Variants in SFMBT1 observed in about 807,000 individuals in gnomAD.
SFMBT1 encodes scm-like with four MBT domains protein 1.
Under a neutral mutation model 108.7 loss-of-function variants are expected in SFMBT1, and 32 were observed. The ratio of observed to expected loss-of-function variants is 0.29; its 90% confidence interval spans 0.22 to 0.40. The LOEUF (loss-of-function observed/expected upper bound fraction) is 0.40. Among genes scored for constraint, SFMBT1 ranks in the 10% least tolerant of loss-of-function variants. The pLI is 1.00. For missense variants in SFMBT1, 816 were observed against 1,059.6 expected, an observed-to-expected ratio of 0.77 and a Z score of 3.19; for synonymous variants, 348 against 369.5, an observed-to-expected ratio of 0.94 and a Z score of 0.67.
intron 5 of SFMBT1, 83 bp downstream of exon 5, chr3:52,934,730 G>A: frequency 9.0e-7 from 1 of 1,107,982 alleles, no homozygotes; most frequent in Non-Finnish European, 1.3e-6. Flanking sequence ...TTTCTTCAGA[G>A]TGGTAAATAA....
rs143796489 is a variant in SFMBT1, at chr3:53,042,338, T to A, written c.-131+3478A>T. 2.1e-3 allele frequency among the ~76,000 whole-genome samples: 318 copies of A among 152,308 alleles called. 1 individual carries two copies. Among genetic ancestry groups the A allele is most frequent in the African/African-American group, 6.7e-3 (280 of 41,562 alleles). ...AAGATTATGGATAGGCAAATCATAC[T>A]GGGTTGGTTGGTTTGTTTTTTGAGA... On this transcript the variant is annotated intron_variant, in intron 1 of 20. Transcript: ENST00000394752.
rs1229064148 is a variant in SFMBT1 at position 53,045,804 on chromosome 3, C to T, written c.-131+12G>A. ...GCGCGGGAAGGCCCAGCCGGTGGCC[C>T]CGCTTTTTTACCTGCCCGGAGTTTT... On this transcript the variant is annotated intron_variant, in intron 1 of 20. Transcript: ENST00000394752. 1 of 150,554 alleles carries T rather than the reference C, an allele frequency of 6.6e-6. No homozygotes were observed. The highest frequency in any genetic ancestry group is 1.5e-5 in the Non-Finnish European group (1 of 67,538). 9.3% of individuals were successfully genotyped at this position (150,554 alleles called of 1,614,324 possible). A position where few individuals can be genotyped will look rare whatever the true frequency, so the allele number is the denominator to read the frequency against.
intron 3 of SFMBT1, among the ~76,000 whole-genome samples, chr3:52,945,019 G>T (rs1249488410): frequency 6.6e-6 from 1 of 151,248 alleles, no homozygotes; most frequent in Admixed American, 6.6e-5. Flanking sequence ...GCCCAGGCTG[G>T]TCTCAAATTC....
At chr3:52,966,991 C>T (rs11707576) in intron 2 of SFMBT1, among the ~76,000 whole-genome samples, 110,299 of 150,090 alleles carry the variant, frequency 0.73, 40,744 homozygotes, top group South Asian at 0.88. Flanking sequence ...AAGTAACCAC[C>T]AATAAGTGCT....
intron 3 of SFMBT1, among the ~76,000 whole-genome samples, chr3:52,945,140 A>AAAAAAAAAAAAAAC (rs1368281318): frequency 6.8e-6 from 1 of 146,172 alleles, no homozygotes; most frequent in South Asian, 2.2e-4. Flanking sequence ...TCCAATTAAA[A>AAAAAAAAAAAAAAC]AAAAAAAAAA....
intron 3 of SFMBT1, among the ~76,000 whole-genome samples, chr3:52,950,241 C>T (rs1703527425): frequency 6.6e-6 from 1 of 152,120 alleles, no homozygotes; most frequent in South Asian, 2.1e-4. Context: ...TTCCACTTTG[C>T]CTTCTTAGCA....
chr3:53,040,968 A>ATTTTTTTTTTTTTTTTTTTTT lies in SFMBT1; in HGVS notation c.-131+4827_-131+4847dup, dbSNP rs57640588. Among the ~76,000 whole-genome samples the ATTTTTTTTTTTTTTTTTTTTT allele has an allele frequency of 6.7e-4, 31 of 46,384 alleles. 4 individuals are homozygous for ATTTTTTTTTTTTTTTTTTTTT. The highest frequency in any genetic ancestry group is 1.3e-3 in the East Asian group (2 of 1,512). 30.4% of individuals were successfully genotyped at this position (46,384 alleles called of 152,430 possible). A position where few individuals can be genotyped will look rare whatever the true frequency, so the allele number is the denominator to read the frequency against. On this transcript the variant is annotated intron_variant, in intron 1 of 20. Coordinates refer to ENST00000394752, the MANE Select transcript of SFMBT1 (RefSeq NM_016329.4). ...TACAGGCATGCACCAAGACACCTGA[A>ATTTTTTTTTTTTTTTTTTTTT]TTTTTTTTTTTTTTTTTTTTTTTTT...
chr3:52,938,195 T>C (rs1458625131), intron 4 of SFMBT1, among the ~76,000 whole-genome samples: 1 of 152,198 alleles, frequency 6.6e-6, no homozygotes, highest in Non-Finnish European at 1.5e-5. Flanking sequence ...GTATGTCTCC[T>C]ATACAGAGGA....
chr3:53,042,560 C>A lies in SFMBT1; in HGVS notation c.-131+3256G>T, dbSNP rs1207526551. On this transcript the variant is annotated intron_variant, in intron 1 of 20. Transcript: ENST00000394752. ...CTCCCTTTTCTTTCATCCAGGCTGG[C>A]CTCGAACTCCTGGTCTCAAGCGATC... Among the ~76,000 whole-genome samples the A allele has an allele frequency of 3.9e-5, 6 of 152,158 alleles. No individual in the cohort carries two copies. In the East Asian group the frequency reaches 1.2e-3, roughly 29 times the overall value.
rs868585984 is a variant in SFMBT1 at position 52,948,698 on chromosome 3, C to A, written c.124-5105G>T. ...CGAGTCTCTCATTCTGCCGCCCAGGCTGATGTACAGCGGCACAATCTCGGG... is the reference window on the plus strand; with the variant it reads ...CGAGTCTCTCATTCTGCCGCCCAGGATGATGTACAGCGGCACAATCTCGGG... On this transcript the variant is annotated intron_variant, in intron 3 of 20. Transcript: ENST00000394752. Among the ~76,000 whole-genome samples, 4 of 151,128 alleles carry A rather than the reference C, an allele frequency of 2.6e-5. No individual in the cohort carries two copies. The South Asian group carries it at 8.4e-4, about 32-fold the overall frequency.
chr3:52,953,077 T>C (rs879608371), intron 3 of SFMBT1, among the ~76,000 whole-genome samples: 3 of 152,250 alleles, frequency 2.0e-5, no homozygotes, highest in African/African-American at 2.4e-5. Context: ...TATTTTGTTA[T>C]GGCAGCCCAA....
chr3:53,016,663 T>G (rs1699136285), intron 1 of SFMBT1, among the ~76,000 whole-genome samples: 1 of 152,236 alleles, frequency 6.6e-6, no homozygotes, highest in African/African-American at 2.4e-5. Flanking sequence ...CTTCCTTATT[T>G]ATTGATTTGA....
intron 2 of SFMBT1, among the ~76,000 whole-genome samples, chr3:52,956,297 T>G (rs919051629): frequency 2.0e-5 from 3 of 151,900 alleles, no homozygotes; most frequent in African/African-American, 7.3e-5. Flanking sequence ...CCGTCTCTAC[T>G]AAAAATACAA....
At chr3:52,987,733 G>A (rs2581822) in intron 1 of SFMBT1, among the ~76,000 whole-genome samples, 42,324 of 152,042 alleles carry the variant, frequency 0.28, 6,585 homozygotes, top group East Asian at 0.48. Context: ...TAACTTCTAA[G>A]TTCCATACTG....
intron 9 of SFMBT1, 55 bp downstream of exon 9, chr3:52,928,136 T>C: frequency 1.3e-6 from 2 of 1,579,920 alleles, no homozygotes; most frequent in East Asian, 2.3e-5. Context: ...ATCTGACATG[T>C]CTCATTTCAA....
intron 1 of SFMBT1, among the ~76,000 whole-genome samples, chr3:52,982,591 T>C (rs1704750621): frequency 6.6e-6 from 1 of 151,776 alleles, no homozygotes; most frequent in Non-Finnish European, 1.5e-5. Context: ...TAGCCGGACA[T>C]GGTGGCATAT....
intron 10 of SFMBT1, among the ~76,000 whole-genome samples, chr3:52,923,558 CAAA>C (rs199694774): frequency 1.7e-5 from 2 of 119,602 alleles, no homozygotes; most frequent in African/African-American, 3.1e-5. Flanking sequence ...AAAGCTCCAT[CAAA>C]AAAAAAAAAA....
intron 1 of SFMBT1, among the ~76,000 whole-genome samples, chr3:53,036,793 CT>C (rs1400069905): frequency 6.6e-6 from 1 of 152,212 alleles, no homozygotes; most frequent in Non-Finnish European, 1.5e-5. Context: ...AACCTGAATT[CT>C]CCTCCAAGGT....
chr3:52,998,015 C>A (rs1030170784), intron 1 of SFMBT1, among the ~76,000 whole-genome samples: 4 of 150,486 alleles, frequency 2.7e-5, no homozygotes, highest in African/African-American at 7.3e-5. Flanking sequence ...ATGTATAGTT[C>A]TGTGGCATTA....
Sources: gnomAD v4.1 joint callset for allele counts (sites outside exome capture counted in the v4.1 genomes callset) on GRCh38, gnomAD v4.1.1 for gene constraint, MANE v1.5 for transcripts, NCBI Gene and HGNC (gene_info 2026-07-23, HGNC 2026-07-21) for gene names.